CHST11: variants seen among roughly 807,000 people sequenced by gnomAD.
The protein encoded by CHST11 is C4S-1.
Under a neutral mutation model 30.4 loss-of-function variants are expected in CHST11, and 9 were observed. The observed-to-expected ratio is 0.30, with a 90% CI of 0.18 to 0.52. CHST11 has a LOEUF of 0.52. CHST11 is among the 20% of genes least tolerant of loss of function. CHST11 has a pLI of 0.97. For synonymous variants in CHST11, 152 were observed against 187.8 expected (o/e 0.81, Z 1.56); for missense variants, 348 against 460.6 (o/e 0.76, Z 2.24).
intron 2 of CHST11, among the ~76,000 whole-genome samples, chr12:104,663,754 A>G (rs559878958): frequency 1.3e-5 from 2 of 152,308 alleles, no homozygotes; most frequent in East Asian, 3.9e-4. Flanking sequence ...TTTCAAGGGC[A>G]CTGACATAAT....
intron 1 of CHST11, among the ~76,000 whole-genome samples, chr12:104,482,583 C>T (rs906629830): frequency 3.9e-5 from 6 of 151,976 alleles, no homozygotes; most frequent in Admixed American, 6.5e-5. Context: ...TTGCTTAGAT[C>T]GATGAGACAA....
At chr12:104,705,487 C>T (rs1328382426) in intron 2 of CHST11, among the ~76,000 whole-genome samples, 3 of 152,168 alleles carry the variant, frequency 2.0e-5, no homozygotes, top group Non-Finnish European at 4.4e-5. Context: ...GGAGCACCAA[C>T]TGTGCCTTAG....
At chr12:104,622,398 T>C (rs2039168570) in intron 2 of CHST11, among the ~76,000 whole-genome samples, 1 of 152,204 alleles carries the variant, frequency 6.6e-6, no homozygotes, top group South Asian at 2.1e-4. Context: ...TTTGTCAAGA[T>C]TTTCCTTCAT....
intron 1 of CHST11, among the ~76,000 whole-genome samples, chr12:104,496,276 A>G (rs1421121609): frequency 6.6e-6 from 1 of 152,196 alleles, no homozygotes; most frequent in African/African-American, 2.4e-5. Flanking sequence ...GAGCCACCAG[A>G]TTTTCTGGAA....
At chr12:104,514,246 G>A in intron 1 of CHST11, 1 of 866,688 alleles carries the variant, frequency 1.2e-6, no homozygotes, top group Non-Finnish European at 2.0e-6. Context: ...ATTGGTGTTG[G>A]GGCAGCCACA....
At chr12:104,599,089 C>T (rs959580479) in intron 1 of CHST11, among the ~76,000 whole-genome samples, 2 of 152,162 alleles carry the variant, frequency 1.3e-5, no homozygotes, top group South Asian at 2.1e-4. Context: ...TGTTGCATAG[C>T]GAGCACTCCA....
intron 1 of CHST11, among the ~76,000 whole-genome samples, chr12:104,478,674 G>A (rs1437772053): frequency 6.6e-6 from 1 of 152,196 alleles, no homozygotes; most frequent in African/African-American, 2.4e-5. Context: ...GAGCATGGAG[G>A]TGCTTGCCTG....
chr12:104,664,139 T>C (rs1026049484), intron 2 of CHST11, among the ~76,000 whole-genome samples: 14 of 152,144 alleles, frequency 9.2e-5, no homozygotes, highest in African/African-American at 2.9e-4. Flanking sequence ...GTATATCACC[T>C]CTCTTCTATA....
chr12:104,697,711 T>G (rs1207735529), intron 2 of CHST11, among the ~76,000 whole-genome samples: 2 of 152,132 alleles, frequency 1.3e-5, no homozygotes, highest in Non-Finnish European at 2.9e-5. Context: ...ATAAGAAAAT[T>G]TAAAACAAGG....
intron 2 of CHST11, among the ~76,000 whole-genome samples, chr12:104,714,438 G>T (rs1203263866): frequency 6.6e-6 from 1 of 152,170 alleles, no homozygotes; most frequent in Non-Finnish European, 1.5e-5. Flanking sequence ...CCACCATAGT[G>T]GTGATCTGTC....
At chr12:104,593,548 A>G (rs560975254) in intron 1 of CHST11, among the ~76,000 whole-genome samples, 1 of 152,280 alleles carries the variant, frequency 6.6e-6, no homozygotes, top group East Asian at 1.9e-4. Flanking sequence ...GATTGGTGGG[A>G]GGATATCGGG....
At chr12:104,659,399 CG>C (rs2039576157) in intron 2 of CHST11, among the ~76,000 whole-genome samples, 1 of 152,056 alleles carries the variant, frequency 6.6e-6, no homozygotes, top group Non-Finnish European at 1.5e-5. Flanking sequence ...TAAGAGCTTC[CG>C]GGGATCTCCA....
chr12:104,717,322 C>T (rs983960857), intron 2 of CHST11, among the ~76,000 whole-genome samples: 1 of 152,214 alleles, frequency 6.6e-6, no homozygotes, highest in Non-Finnish European at 1.5e-5. Flanking sequence ...CTCCATTTAG[C>T]TGCCCCAAAA....
In CHST11 at chr12:104,600,964, TCTTCC is replaced by T. The variant is rs1255853035; in HGVS notation, c.119-931_119-927del. On this transcript the variant is annotated intron_variant, in intron 1 of 2. Transcript: ENST00000303694. This position sits in a 1 kb window ranked among gnomAD's most constrained non-coding sequence, Gnocchi z 4.1. The stretch of plus-strand genomic sequence containing the variant: ...TTTCCTCCCTCTTTTCCTCTCTCCT[TCTTCC>T]CTTCCCTTCCTTCCTTCGCTTGCTC... 6.7e-6 allele frequency among the ~76,000 whole-genome samples: 1 copy of T among 148,872 alleles called. No homozygotes were observed. Among genetic ancestry groups the T allele is most frequent in the Non-Finnish European group, 1.5e-5 (1 of 67,236 alleles).
rs182280923 is a variant in CHST11 at position 104,660,358 on chromosome 12, C to A, written c.204+58367C>A. Among the ~76,000 whole-genome samples the A allele has an allele frequency of 2.1e-3, 323 of 152,340 alleles. 1 individual carries two copies. Among genetic ancestry groups the A allele is most frequent in the Non-Finnish European group, 3.9e-3 (264 of 68,034 alleles). Reference sequence around the variant, plus strand: ...CTGGGTCTCTGCGGCATTGCCATTGCCCACGGGCTTGGCGCAGGTGGGCCC... The same window carrying A: ...CTGGGTCTCTGCGGCATTGCCATTGACCACGGGCTTGGCGCAGGTGGGCCC... On this transcript the variant is annotated intron_variant, in intron 2 of 2. Transcript: ENST00000303694.
At chr12:104,682,940 CCTT>C (rs1424429100) in intron 2 of CHST11, among the ~76,000 whole-genome samples, 5 of 152,228 alleles carry the variant, frequency 3.3e-5, no homozygotes, top group African/African-American at 9.7e-5. Context: ...GACTCTCTGT[CCTT>C]CTTCTCCAGA....
intron 2 of CHST11, among the ~76,000 whole-genome samples, chr12:104,602,838 C>G (rs2038969790): frequency 6.6e-6 from 1 of 152,148 alleles, no homozygotes; most frequent in African/African-American, 2.4e-5. Flanking sequence ...ACCAAGGTAC[C>G]TGGTGGAGGA....
Position 104,757,629 on chromosome 12 carries a change from G to A in CHST11, c.885G>A (p.Val295=), listed in dbSNP as rs898695454. 6.2e-7 allele frequency: 1 copy of A among 1,614,012 alleles called. No individual in the cohort carries two copies. The highest frequency in any genetic ancestry group is 1.3e-5 in the African/African-American group (1 of 74,888). ...DSNYVLQLAG[V]GSYLKFPTYA... is the part of the protein sequence containing the mutation. ...ATTACGTCCTGCAGCTGGCAGGAGTGGGCAGCTACCTGAAGTTCCCCACCT... is the reference window on the plus strand; with the variant it reads ...ATTACGTCCTGCAGCTGGCAGGAGTAGGCAGCTACCTGAAGTTCCCCACCT... The change falls in exon 3 of 3, where the codon GTG becomes GTA. Residue 295 remains valine, a synonymous_variant. Transcript: ENST00000303694. The surrounding 1 kb of genome is among the most constrained non-coding windows in gnomAD (Gnocchi z 6.5).
intron 1 of CHST11, among the ~76,000 whole-genome samples, chr12:104,599,224 G>A (rs1280480760): frequency 6.6e-6 from 1 of 152,156 alleles, no homozygotes; most frequent in Non-Finnish European, 1.5e-5. Context: ...TGATGGCTGT[G>A]GGCAAAGAAC....
Sources: allele counts gnomAD v4.1 joint callset (sites outside exome capture counted in the v4.1 genomes callset), GRCh38; gene constraint gnomAD v4.1.1; non-coding constraint Gnocchi (gnomAD v3.1); transcripts MANE v1.5; gene names NCBI Gene and HGNC (gene_info 2026-07-23, HGNC 2026-07-21).